The following CACNA2D1 variants were observed in gnomAD, a reference collection of about 807,000 sequenced individuals.
CACNA2D1 encodes voltage-dependent calcium channel subunit alpha-2/delta-1.
CACNA2D1 carries 53 observed loss-of-function variants against 171.5 expected under a neutral mutation model. The observed-to-expected ratio is 0.31, with a 90% CI of 0.25 to 0.39. The LOEUF (loss-of-function observed/expected upper bound fraction) is 0.39. Among genes scored for constraint, CACNA2D1 ranks in the 10% least tolerant of loss-of-function variants. The pLI is 1.00. For synonymous variants in CACNA2D1, 442 were observed against 443.1 expected, an observed-to-expected ratio of 1.00 and a Z score of 0.03; for missense variants, 903 against 1,299.8, an observed-to-expected ratio of 0.69 and a Z score of 4.69.
At chr7:82,044,699 C>T (rs1299896876) in intron 10 of CACNA2D1, among the ~76,000 whole-genome samples, 2 of 152,060 alleles carry the variant, frequency 1.3e-5, no homozygotes, top group Non-Finnish European at 2.9e-5. Context: ...GATGGCAATG[C>T]AGGAAAATAA....
intron 3 of CACNA2D1, among the ~76,000 whole-genome samples, chr7:82,202,159 T>C (rs1343238348): frequency 2.0e-5 from 3 of 152,202 alleles, no homozygotes; most frequent in Non-Finnish European, 4.4e-5. Flanking sequence ...GAGCCACTAT[T>C]GTATGTACAA....
At chr7:82,136,297 G>A (rs1791594721) in intron 5 of CACNA2D1, among the ~76,000 whole-genome samples, 1 of 152,102 alleles carries the variant, frequency 6.6e-6, no homozygotes, top group South Asian at 2.1e-4. Flanking sequence ...CCTGGTGACA[G>A]GAGCCAGGAT....
intron 3 of CACNA2D1, among the ~76,000 whole-genome samples, chr7:82,287,400 T>C (rs1013045288): frequency 1.3e-5 from 2 of 152,166 alleles, no homozygotes; most frequent in Non-Finnish European, 2.9e-5. Context: ...GGCTGGGATG[T>C]TCTGGAGAAA....
chr7:82,041,431 C>T (rs988672291), intron 10 of CACNA2D1, among the ~76,000 whole-genome samples: 3 of 152,058 alleles, frequency 2.0e-5, no homozygotes, highest in African/African-American at 4.8e-5. Context: ...ATGATAGTTA[C>T]TGTCTGTGGC....
In CACNA2D1 at chr7:81,950,110, T is replaced by C. The variant is rs1792348442; in HGVS notation, c.*282A>G. The stretch of plus-strand genomic sequence containing the variant: ...CCCTTTCACATGTAATCACCAACAA[T>C]GCAACAACAAACTCCCAAATTTTCC... On this transcript the variant is annotated 3_prime_UTR_variant, in exon 39 of 39. Coordinates refer to ENST00000356860, the MANE Select transcript of CACNA2D1 (RefSeq NM_000722.4). 1 of 447,948 alleles carries C rather than the reference T, an allele frequency of 2.2e-6. No homozygotes were observed. The highest frequency in any genetic ancestry group is 3.7e-5 in the Admixed American group (1 of 27,124). The allele number at this position is 447,948 out of a possible 1,614,324, so 27.7% of individuals were successfully genotyped here.
intron 9 of CACNA2D1, among the ~76,000 whole-genome samples, chr7:82,062,482 T>C (rs1352541101): frequency 2.0e-5 from 3 of 152,168 alleles, no homozygotes; most frequent in Non-Finnish European, 4.4e-5. Flanking sequence ...CTCTTATGTA[T>C]TCCTTTAGTG....
At chr7:82,278,916 C>T (rs980582835) in intron 3 of CACNA2D1, among the ~76,000 whole-genome samples, 15 of 152,284 alleles carry the variant, frequency 9.9e-5, no homozygotes, top group Admixed American at 7.2e-4. Flanking sequence ...GTCAACAGAA[C>T]ACATGAATTG....
intron 5 of CACNA2D1, among the ~76,000 whole-genome samples, chr7:82,127,733 T>C (rs1438591062): frequency 1.3e-5 from 2 of 152,138 alleles, no homozygotes; most frequent in African/African-American, 4.8e-5. Flanking sequence ...ATTGGAGGAA[T>C]TGTATGGTAT....
At chr7:82,337,845 C>G (rs1818181562) in intron 2 of CACNA2D1, among the ~76,000 whole-genome samples, 2 of 152,300 alleles carry the variant, frequency 1.3e-5, no homozygotes, top group Admixed American at 6.5e-5. Context: ...AGTTCTCCTG[C>G]TGCCACCCTG....
At chr7:82,112,935 C>T (rs1296846173) in intron 6 of CACNA2D1, among the ~76,000 whole-genome samples, 2 of 152,034 alleles carry the variant, frequency 1.3e-5, no homozygotes, top group East Asian at 1.9e-4. Context: ...GCTTAAATTA[C>T]AAAAATCAAG....
intron 15 of CACNA2D1, among the ~76,000 whole-genome samples, chr7:82,009,883 T>C (rs949186107): frequency 3.9e-5 from 6 of 152,114 alleles, no homozygotes; most frequent in Non-Finnish European, 5.9e-5. Context: ...CCAACTCTTG[T>C]CATATCTCTT....
At chr7:82,014,595 A>G (rs1323518224) in intron 12 of CACNA2D1, 116 bp from the exon 13 acceptor site, 15 of 686,890 alleles carry the variant, frequency 2.2e-5, no homozygotes, top group South Asian at 3.2e-5. Flanking sequence ...TGATATGACA[A>G]GAAAAACTGA....
chr7:82,263,433 G>A (rs1477880265), intron 3 of CACNA2D1, among the ~76,000 whole-genome samples: 1 of 151,964 alleles, frequency 6.6e-6, no homozygotes, highest in Non-Finnish European at 1.5e-5. Context: ...GAATAAATTT[G>A]TTATGCTTTT....
intron 25 of CACNA2D1, among the ~76,000 whole-genome samples, chr7:81,973,328 T>C (rs1795487663): frequency 1.3e-5 from 2 of 152,176 alleles, no homozygotes; most frequent in Middle Eastern, 3.4e-3. Context: ...GGAATCATCA[T>C]GTTAAGACAT....
In CACNA2D1 at chr7:81,958,073, C is replaced by T. The variant is rs141746498; in HGVS notation, c.3159+1202G>A. On this transcript the variant is annotated intron_variant, in intron 38 of 38. Coordinates refer to ENST00000356860, the MANE Select transcript of CACNA2D1 (RefSeq NM_000722.4). ...TGCAGTAGACAGAATAACAGGAGTC[C>T]GCCTATCTGGACTTAATATATCTTA... Among the ~76,000 whole-genome samples, 507 of 151,608 alleles carry T rather than the reference C, an allele frequency of 3.3e-3. 5 individuals carry two copies. Among genetic ancestry groups the T allele is most frequent in the African/African-American group, 0.012 (475 of 41,300 alleles).
At chr7:82,171,433 C>A (rs1264763448) in intron 3 of CACNA2D1, among the ~76,000 whole-genome samples, 1 of 151,922 alleles carries the variant, frequency 6.6e-6, no homozygotes, top group Non-Finnish European at 1.5e-5. Flanking sequence ...GTTAGGAACA[C>A]AGAGTTGGGG....
intron 9 of CACNA2D1, among the ~76,000 whole-genome samples, chr7:82,062,896 CA>C (rs1187817223): frequency 6.6e-6 from 1 of 151,868 alleles, no homozygotes; most frequent in African/African-American, 2.4e-5. Flanking sequence ...TGTGTGCCAC[CA>C]TGCCCAGCTG....
At chr7:82,192,491 T>A (rs1798424051) in intron 3 of CACNA2D1, among the ~76,000 whole-genome samples, 1 of 119,352 alleles carries the variant, frequency 8.4e-6, no homozygotes, top group Non-Finnish European at 1.8e-5. Flanking sequence ...TGTGTGTGTG[T>A]GTGTGTGTGT....
intron 31 of CACNA2D1, among the ~76,000 whole-genome samples, chr7:81,966,787 A>G (rs1584215910): frequency 6.6e-6 from 1 of 151,622 alleles, no homozygotes; most frequent in East Asian, 1.9e-4. Flanking sequence ...GTGTGAACAA[A>G]TTTAGAGAAA....
Sources: allele counts gnomAD v4.1 joint callset (sites outside exome capture counted in the v4.1 genomes callset), GRCh38; gene constraint gnomAD v4.1.1; transcripts MANE v1.5; gene names NCBI Gene and HGNC (gene_info 2026-07-23, HGNC 2026-07-21).